NOP58: variants seen among roughly 807,000 people sequenced by gnomAD.
NOP58 encodes the protein nucleolar protein 58.
A neutral mutation model predicts 71.2 loss-of-function variants in NOP58; 44 were observed. That is an observed-to-expected ratio of 0.62 (90% CI 0.49 to 0.79). NOP58 has a LOEUF of 0.79. Among genes scored for constraint, NOP58 ranks in the 30% least tolerant of loss-of-function variants. The pLI is 0.00. For synonymous variants in NOP58, 228 were observed against 200.3 expected, an observed-to-expected ratio of 1.14 and a Z score of -1.17; for missense variants, 538 against 620.2, an observed-to-expected ratio of 0.87 and a Z score of 1.41.
chr2:202,278,757 A>G (rs1045078862), intron 3 of NOP58, among the ~76,000 whole-genome samples: 4 of 152,216 alleles, frequency 2.6e-5, no homozygotes, highest in Admixed American at 6.5e-5. Flanking sequence ...AAGGACCGTG[A>G]GGAAGAATAT....
chr2:202,291,176 A>T lies in NOP58; in HGVS notation c.686A>T (p.Glu229Val). The change falls in exon 8 of 15, where the codon GAA (glutamate) becomes GTA (valine). Residue 229 changes from glutamate (E) to valine (V), a missense_variant. Coordinates refer to ENST00000264279, the MANE Select transcript of NOP58 (RefSeq NM_015934.5). Reference protein sequence around the residue: ...SAKLSELLPEEVEAEVKAAAE... With the variant: ...SAKLSELLPEVVEAEVKAAAE... ...AAGCTTTCTGAGTTGCTGCCAGAAGAAGTTGAAGCAGAAGTGAAAGCAGCT... is the reference window on the plus strand; with the variant it reads ...AAGCTTTCTGAGTTGCTGCCAGAAGTAGTTGAAGCAGAAGTGAAAGCAGCT... 3.7e-6 allele frequency: 6 copies of T among 1,613,218 alleles called. No individual in the cohort carries two copies. Among genetic ancestry groups the T allele is most frequent in the Non-Finnish European group, 5.1e-6 (6 of 1,179,722 alleles).
chr2:202,283,213 G>C (rs543264293), intron 4 of NOP58, among the ~76,000 whole-genome samples: 18 of 152,128 alleles, frequency 1.2e-4, no homozygotes, highest in Non-Finnish European at 2.4e-4. Context: ...CACCATGCTG[G>C]CTAATTATTT....
rs1464203167 is a variant in NOP58 at position 202,266,004 on chromosome 2, C to T, written c.45+18C>T. ...TCTTTAAGGTAGGTGGGAGAGCGAG[C>T]CGTTAAAGGGGGAAGGCGGATGCTG... On this transcript the variant is annotated intron_variant, in intron 1 of 14. Coordinates refer to ENST00000264279, the MANE Select transcript of NOP58 (RefSeq NM_015934.5). 1 of 1,613,552 alleles carries T rather than the reference C, an allele frequency of 6.2e-7. No homozygotes were observed. The highest frequency in any genetic ancestry group is 1.7e-5 in the Admixed American group (1 of 60,000).
intron 6 of NOP58, among the ~76,000 whole-genome samples, chr2:202,288,310 TC>T (rs1339460964): frequency 6.8e-6 from 1 of 147,846 alleles, no homozygotes; most frequent in African/African-American, 2.5e-5. Context: ...CATGGAGAAA[TC>T]CCGTCTCTAC....
chr2:202,290,553 A>G, intron 7 of NOP58, 96 bp downstream of exon 7: 1 of 1,119,024 alleles, frequency 8.9e-7, no homozygotes, highest in East Asian at 2.4e-5. Context: ...CAAGATTCCC[A>G]GGGTTTTTGC....
At chr2:202,296,764 C>A (rs1298831355) in intron 10 of NOP58, among the ~76,000 whole-genome samples, 3 of 151,650 alleles carry the variant, frequency 2.0e-5, no homozygotes, top group African/African-American at 7.3e-5. Context: ...GATGGAGTCT[C>A]ACTCTGTCGC....
At chr2:202,277,072 G>T (rs1169576930) in intron 2 of NOP58, among the ~76,000 whole-genome samples, 1 of 152,214 alleles carries the variant, frequency 6.6e-6, no homozygotes, top group Non-Finnish European at 1.5e-5. Context: ...CGGATGATGA[G>T]GTCAGGAGAT....
chr2:202,290,810 TTGTC>T (rs1475653226), intron 7 of NOP58, among the ~76,000 whole-genome samples: 1 of 152,068 alleles, frequency 6.6e-6, no homozygotes, highest in African/African-American at 2.4e-5. Context: ...CAGTATAAAA[TTGTC>T]TGTGACATTA....
chr2:202,299,396 A>G (rs1440791812), intron 12 of NOP58, among the ~76,000 whole-genome samples: 2 of 152,208 alleles, frequency 1.3e-5, no homozygotes, highest in East Asian at 3.8e-4. Context: ...TTCTGTGGGC[A>G]TTCACATTTT....
At chr2:202,281,607 T>C (rs1489462426) in intron 3 of NOP58, among the ~76,000 whole-genome samples, 4 of 152,058 alleles carry the variant, frequency 2.6e-5, no homozygotes, top group Admixed American at 2.0e-4. Context: ...ACCCAGCTAA[T>C]TTTTGTATTT....
At chr2:202,295,894 C>T in intron 10 of NOP58, 57 bp downstream of exon 10, 1 of 1,393,364 alleles carries the variant, frequency 7.2e-7, no homozygotes, top group Non-Finnish European at 9.6e-7. Flanking sequence ...TTTTTACAAC[C>T]CATTTTTCTT....
In NOP58 at chr2:202,284,358, T is replaced by A; in HGVS notation, c.311T>A (p.Leu104His). Residue 104 changes from leucine (L) to histidine (H), a missense_variant, in exon 5 of 15, where the codon CTC (leucine) becomes CAC (histidine). By Grantham distance (99) the Leu-to-His change is moderately conservative. Coordinates refer to ENST00000264279, the MANE Select transcript of NOP58 (RefSeq NM_015934.5). ...LGGVIKEKLNLSCIHSPVVNE... is the reference protein window; with the variant it reads ...LGGVIKEKLNHSCIHSPVVNE... ...ATGTTCTTGTAGGAAAAGCTGAATC[T>A]CAGTTGTATCCATAGTCCTGTTGTT... 1 of 1,607,530 alleles carries A rather than the reference T, an allele frequency of 6.2e-7. No homozygotes were observed. Among genetic ancestry groups the A allele is most frequent in the Non-Finnish European group, 8.5e-7 (1 of 1,176,768 alleles).
chr2:202,293,284 A>G, intron 9 of NOP58: 2 of 350,942 alleles, frequency 5.7e-6, no homozygotes, highest in South Asian at 4.5e-5. Flanking sequence ...AAGAAAAAAA[A>G]AAGAAATCAC....
Position 202,303,467 on chromosome 2 carries a change from C to T in NOP58, c.*31C>T, listed in dbSNP as rs1269289218. 1 of 1,593,388 alleles carries T rather than the reference C, an allele frequency of 6.3e-7. No individual in the cohort carries two copies. Among genetic ancestry groups the T allele is most frequent in the Non-Finnish European group, 8.6e-7 (1 of 1,169,024 alleles). The stretch of plus-strand genomic sequence containing the variant: ...AGGAATTACGATTATATCACCCGGA[C>T]ACACATCATGCTTAAGATTCAACTG... On this transcript the variant is annotated 3_prime_UTR_variant, in exon 15 of 15. Coordinates refer to ENST00000264279, the MANE Select transcript of NOP58 (RefSeq NM_015934.5).
At chr2:202,281,112 G>A (rs142609162) in intron 3 of NOP58, among the ~76,000 whole-genome samples, 237 of 151,460 alleles carry the variant, frequency 1.6e-3, no homozygotes, top group African/African-American at 5.3e-3. Flanking sequence ...TTCCTGCCAA[G>A]CATTTTTCTT....
At chr2:202,300,494 T>C (rs563829732) in intron 13 of NOP58, 127 bp downstream of exon 13, 1 of 685,930 alleles carries the variant, frequency 1.5e-6, no homozygotes, top group East Asian at 2.9e-5. Flanking sequence ...TAATGGTGTT[T>C]TAATAATGCC....
chr2:202,293,694 C>T (rs1442806591), intron 9 of NOP58, among the ~76,000 whole-genome samples: 4 of 152,114 alleles, frequency 2.6e-5, no homozygotes, highest in African/African-American at 9.7e-5. Context: ...CCTCAGGCTC[C>T]CAAGTTGCTG....
In NOP58 at chr2:202,291,141, T is replaced by C; in HGVS notation, c.651T>C (p.Tyr217=). Residue 217 remains tyrosine (Y), a synonymous_variant, in exon 8 of 15, where the codon TAT becomes TAC. Coordinates refer to ENST00000264279, the MANE Select transcript of NOP58 (RefSeq NM_015934.5). ...ATTCCATAGGCGATAGGAAGAACTA[T>C]GCCTCTGCCAAGCTTTCTGAGTTGC... is the stretch of plus-strand genomic sequence containing the variant. ...CLQKVGDRKN[Y]ASAKLSELLP... 6.2e-7 allele frequency: 1 copy of C among 1,609,714 alleles called. No individual in the cohort carries two copies. Among genetic ancestry groups the C allele is most frequent in the Non-Finnish European group, 8.5e-7 (1 of 1,178,844 alleles).
At chr2:202,299,404 T>A (rs1163536463) in intron 12 of NOP58, among the ~76,000 whole-genome samples, 2 of 152,208 alleles carry the variant, frequency 1.3e-5, no homozygotes, top group Non-Finnish European at 2.9e-5. Flanking sequence ...GCATTCACAT[T>A]TTCTTTTTTG....
Sources: allele counts gnomAD v4.1 joint callset (sites outside exome capture counted in the v4.1 genomes callset), GRCh38; gene constraint gnomAD v4.1.1; transcripts MANE v1.5; gene names NCBI Gene and HGNC (gene_info 2026-07-23, HGNC 2026-07-21).